HS3ST4: variants seen among roughly 807,000 people sequenced by gnomAD.
HS3ST4 encodes heparan sulfate glucosamine 3-O-sulfotransferase 4.
HS3ST4 carries 17 observed loss-of-function variants against 29.2 expected under a neutral mutation model. That is an observed-to-expected ratio of 0.58 (90% CI 0.40 to 0.87). The LOEUF (loss-of-function observed/expected upper bound fraction) is 0.87, where lower values mean the gene tolerates loss of function less well. HS3ST4 is among the 40% of genes least tolerant of loss of function. The pLI is 0.00. For synonymous variants in HS3ST4, 314 were observed against 285.7 expected, an observed-to-expected ratio of 1.10 and a Z score of -1.00; for missense variants, 627 against 634.5, an observed-to-expected ratio of 0.99 and a Z score of 0.13.
chr16:25,885,470 A>G (rs553438030), intron 1 of HS3ST4, among the ~76,000 whole-genome samples: 38 of 152,236 alleles, frequency 2.5e-4, no homozygotes, highest in Non-Finnish European at 3.8e-4. Context: ...CAACTTTGGG[A>G]TACCTTATTT....
chr16:26,070,457 T>C (rs924419148), intron 1 of HS3ST4, among the ~76,000 whole-genome samples: 6 of 152,172 alleles, frequency 3.9e-5, no homozygotes, highest in African/African-American at 7.2e-5. Context: ...CCAGATAATA[T>C]AACCTGCACT....
At chr16:25,776,304 T>C (rs958215806) in intron 1 of HS3ST4, among the ~76,000 whole-genome samples, 1 of 152,202 alleles carries the variant, frequency 6.6e-6, no homozygotes, top group African/African-American at 2.4e-5. Flanking sequence ...AGAGCAAACC[T>C]GCCTCCCATT....
intron 1 of HS3ST4, among the ~76,000 whole-genome samples, chr16:26,030,472 TCAACG>T (rs1969521731): frequency 6.6e-6 from 1 of 152,164 alleles, no homozygotes; most frequent in Non-Finnish European, 1.5e-5. Context: ...TGCAAATAAA[TCAACG>T]CAAAGCACCT....
chr16:25,812,436 T>C lies in HS3ST4; in HGVS notation c.734+119285T>C, dbSNP rs141678663. ...CTGCCGTTTCCCTTTCAAGTCTTAC[T>C]ATTGCCTAATAGTCTTCTAGTCTTT... On this transcript the variant is annotated intron_variant, in intron 1 of 1. Transcript: ENST00000331351. Among the ~76,000 whole-genome samples, 328 of 152,338 alleles carry C rather than the reference T, an allele frequency of 2.2e-3. 1 individual carries two copies. The highest frequency in any genetic ancestry group is 7.7e-3 in the African/African-American group (320 of 41,580).
chr16:25,947,397 A>G (rs981528416), intron 1 of HS3ST4, among the ~76,000 whole-genome samples: 1 of 152,114 alleles, frequency 6.6e-6, no homozygotes, highest in African/African-American at 2.4e-5. Context: ...AAAAACTCCA[A>G]ATCTCAATGG....
chr16:26,048,156 G>A (rs1368040812), intron 1 of HS3ST4, among the ~76,000 whole-genome samples: 1 of 152,150 alleles, frequency 6.6e-6, no homozygotes, highest in Admixed American at 6.5e-5. Context: ...CTTCTGTAAG[G>A]ACACTGTTCA....
chr16:25,733,163 A>G (rs545064252), intron 1 of HS3ST4, among the ~76,000 whole-genome samples: 18 of 152,208 alleles, frequency 1.2e-4, no homozygotes, highest in Non-Finnish European at 2.5e-4. Context: ...AGAGATTATC[A>G]AGATGCAAAC....
At chr16:25,807,208 A>G (rs1966998688) in intron 1 of HS3ST4, among the ~76,000 whole-genome samples, 1 of 152,170 alleles carries the variant, frequency 6.6e-6, no homozygotes, top group Admixed American at 6.5e-5. Context: ...TCCTGACCTC[A>G]GGTGATCCAC....
chr16:25,817,355 A>G (rs1372280800), intron 1 of HS3ST4, among the ~76,000 whole-genome samples: 1 of 152,228 alleles, frequency 6.6e-6, no homozygotes, highest in Non-Finnish European at 1.5e-5. Flanking sequence ...CGAATTTCTT[A>G]GGAAAAGGGC....
At chr16:25,967,745 G>A (rs1596629883) in intron 1 of HS3ST4, among the ~76,000 whole-genome samples, 1 of 152,184 alleles carries the variant, frequency 6.6e-6, no homozygotes, top group Non-Finnish European at 1.5e-5. Flanking sequence ...CAACGGTGAG[G>A]TACCTGCCTG....
At chr16:25,834,882 G>A (rs1377449092) in intron 1 of HS3ST4, among the ~76,000 whole-genome samples, 1 of 152,162 alleles carries the variant, frequency 6.6e-6, no homozygotes, top group African/African-American at 2.4e-5. Flanking sequence ...GGGAGGCAGA[G>A]GTTGCAGTGA....
intron 1 of HS3ST4, among the ~76,000 whole-genome samples, chr16:25,833,382 G>T (rs532805151): frequency 1.1e-4 from 16 of 152,266 alleles, no homozygotes; most frequent in Admixed American, 7.2e-4. Context: ...CTGACAAGGT[G>T]ACTGGGATTA....
At chr16:26,119,016 C>T (rs183093693) in intron 1 of HS3ST4, among the ~76,000 whole-genome samples, 1 of 152,272 alleles carries the variant, frequency 6.6e-6, no homozygotes, top group Non-Finnish European at 1.5e-5. Flanking sequence ...TTACTCAATC[C>T]TCACAATAAT....
chr16:26,105,559 G>A (rs142226441), intron 1 of HS3ST4, among the ~76,000 whole-genome samples: 5 of 152,256 alleles, frequency 3.3e-5, no homozygotes, highest in South Asian at 2.1e-4. Context: ...CATCCCTACC[G>A]TGGAATCCAG....
intron 1 of HS3ST4, among the ~76,000 whole-genome samples, chr16:25,910,121 C>T (rs1968222113): frequency 6.6e-6 from 1 of 152,206 alleles, no homozygotes; most frequent in African/African-American, 2.4e-5. Context: ...ACTTGATTGT[C>T]TCATCTGTAA....
intron 1 of HS3ST4, among the ~76,000 whole-genome samples, chr16:25,976,453 G>A (rs915370814): frequency 3.3e-5 from 5 of 152,194 alleles, no homozygotes; most frequent in South Asian, 2.1e-4. Flanking sequence ...CTACAGATGC[G>A]TACCACCATG....
At chr16:25,930,128 C>T (rs577960634) in intron 1 of HS3ST4, among the ~76,000 whole-genome samples, 70 of 152,344 alleles carry the variant, frequency 4.6e-4, no homozygotes, top group Admixed American at 2.0e-3. Flanking sequence ...CTGCAAAGGA[C>T]GTAGTCTTGT....
At chr16:25,919,756 C>CTAATAG in intron 1 of HS3ST4, among the ~76,000 whole-genome samples, 1 of 152,132 alleles carries the variant, frequency 6.6e-6, no homozygotes. Flanking sequence ...TCAACTTTGC[C>CTAATAG]TAAACTCTGC....
At chr16:25,806,867 A>G (rs2141626621) in intron 1 of HS3ST4, among the ~76,000 whole-genome samples, 1 of 152,270 alleles carries the variant, frequency 6.6e-6, no homozygotes, top group South Asian at 2.1e-4. Context: ...GTGTGTGTGC[A>G]TGAATATTTA....
Sources: allele counts gnomAD v4.1 joint callset (sites outside exome capture counted in the v4.1 genomes callset), GRCh38; gene constraint gnomAD v4.1.1; transcripts MANE v1.5; gene names NCBI Gene and HGNC (gene_info 2026-07-23, HGNC 2026-07-21).